The following FNDC3A variants were observed in gnomAD, a reference collection of about 807,000 sequenced individuals.
FNDC3A encodes fibronectin type-III domain-containing protein 3A.
Under a neutral mutation model 148.9 loss-of-function variants are expected in FNDC3A, and 32 were observed. That is an observed-to-expected ratio of 0.21 (90% confidence interval 0.16 to 0.29). FNDC3A has a LOEUF of 0.29. Ranked by LOEUF, FNDC3A falls within the 10% of genes least tolerant of loss-of-function variation. The pLI, the probability that FNDC3A is intolerant of heterozygous loss-of-function variation, is 1.00. For synonymous variants in FNDC3A, 472 were observed against 473.6 expected (o/e 1.00, Z 0.04); for missense variants, 1,191 against 1,452.8 (o/e 0.82, Z 2.93).
chr13:49,069,707 G>A (rs1007526517), intron 2 of FNDC3A, among the ~76,000 whole-genome samples: 5 of 152,130 alleles, frequency 3.3e-5, no homozygotes, highest in African/African-American at 1.2e-4. Flanking sequence ...GCATTTTACT[G>A]CCCCTATTAT....
intron 2 of FNDC3A, among the ~76,000 whole-genome samples, chr13:49,010,509 C>T (rs1395829373): frequency 2.0e-5 from 3 of 152,018 alleles, no homozygotes; most frequent in African/African-American, 7.3e-5. Flanking sequence ...TATAATTGGC[C>T]CTGTGATGAA....
At chr13:48,985,319 T>C (rs1376225039) in intron 1 of FNDC3A, among the ~76,000 whole-genome samples, 1 of 152,244 alleles carries the variant, frequency 6.6e-6, no homozygotes, top group Non-Finnish European at 1.5e-5. Flanking sequence ...AATAGCTTCA[T>C]CTTTTTAGGA....
chr13:49,157,063 G>A (rs9568159), intron 8 of FNDC3A, among the ~76,000 whole-genome samples: 6,759 of 47,914 alleles, frequency 0.14, 696 homozygotes, highest in East Asian at 0.36. Flanking sequence ...TCTGAACGTT[G>A]GCCTGCCTTG....
At chr13:49,198,660 G>C in intron 23 of FNDC3A, 86 bp downstream of exon 23, 1 of 1,074,764 alleles carries the variant, frequency 9.3e-7, no homozygotes, top group East Asian at 2.5e-5. Context: ...GGCCAGGTGT[G>C]GTGGCTGACA....
chr13:49,129,244 T>G (rs576195938), intron 4 of FNDC3A, among the ~76,000 whole-genome samples: 1 of 152,350 alleles, frequency 6.6e-6, no homozygotes, highest in South Asian at 2.1e-4. Flanking sequence ...TGAAGAAGAA[T>G]AATTGCATAA....
chr13:49,181,383 C>A (rs1885293928), intron 14 of FNDC3A, among the ~76,000 whole-genome samples: 2 of 152,188 alleles, frequency 1.3e-5, no homozygotes, highest in African/African-American at 4.8e-5. Context: ...AATGTAAATT[C>A]TCTGGCCCTG....
chr13:49,021,109 G>GGCCT (rs1873292640), intron 2 of FNDC3A, among the ~76,000 whole-genome samples: 2 of 152,264 alleles, frequency 1.3e-5, no homozygotes, highest in South Asian at 4.1e-4. Context: ...CTAGTGAGTA[G>GGCCT]GCCTATGTAA....
chr13:49,049,389 ATTC>A (rs1875657972), intron 2 of FNDC3A, among the ~76,000 whole-genome samples: 2 of 151,990 alleles, frequency 1.3e-5, no homozygotes, highest in South Asian at 4.2e-4. Flanking sequence ...ATTGGTACCA[ATTC>A]TTCTTTGAAT....
At chr13:49,147,092 C>T (rs1392366422) in intron 8 of FNDC3A, among the ~76,000 whole-genome samples, 1 of 152,188 alleles carries the variant, frequency 6.6e-6, no homozygotes, top group African/African-American at 2.4e-5. Context: ...TTCCTGTTTC[C>T]TCTCTATTGA....
Position 49,075,268 on chromosome 13 carries a change from C to T in FNDC3A, c.100-21C>T, listed in dbSNP as rs187302445. 4 of 1,457,130 alleles carry T rather than the reference C, an allele frequency of 2.7e-6. No homozygotes were observed. The Admixed American group carries it at 7.0e-5, about 26-fold the overall frequency. The allele number at this position is 1,457,130 out of a possible 1,614,324, so 90.3% of individuals were successfully genotyped here. ...TTGCTTTTTTTTGTTTTGATTAATA[C>T]TTCTTCCCCTCATTTTTAAGGTTAT... On this transcript the variant is annotated intron_variant, in intron 2 of 25. Coordinates refer to ENST00000492622, the MANE Select transcript of FNDC3A (RefSeq NM_001079673.2).
intron 2 of FNDC3A, among the ~76,000 whole-genome samples, chr13:49,017,666 CTCATTAGT>C (rs1433509327): frequency 6.6e-5 from 10 of 151,754 alleles, no homozygotes; most frequent in Middle Eastern, 6.8e-3. Context: ...GGTTATTTTG[CTCATTAGT>C]TCATGCAGTT....
intron 1 of FNDC3A, among the ~76,000 whole-genome samples, chr13:48,984,675 T>C (rs1159406128): frequency 6.6e-6 from 1 of 151,982 alleles, no homozygotes; most frequent in East Asian, 1.9e-4. Flanking sequence ...ACTAAATGGT[T>C]TTTTATTTTT....
At chr13:49,140,190 A>G (rs1882612306) in intron 7 of FNDC3A, among the ~76,000 whole-genome samples, 1 of 152,106 alleles carries the variant, frequency 6.6e-6, no homozygotes, top group African/African-American at 2.4e-5. Context: ...TACAGATACT[A>G]CAGACCAAGG....
At chr13:49,174,844 A>C (rs938940880) in intron 12 of FNDC3A, among the ~76,000 whole-genome samples, 1 of 152,196 alleles carries the variant, frequency 6.6e-6, no homozygotes, top group South Asian at 2.1e-4. Context: ...ATATGTGATG[A>C]CAGTATTTTG....
intron 3 of FNDC3A, among the ~76,000 whole-genome samples, chr13:49,077,143 G>C (rs763554582): frequency 6.6e-6 from 1 of 152,164 alleles, no homozygotes; most frequent in Admixed American, 6.5e-5. Context: ...GCATAGTGGC[G>C]CACGCCTGCT....
At chr13:49,087,176 C>T (rs1878868666) in intron 3 of FNDC3A, among the ~76,000 whole-genome samples, 1 of 151,924 alleles carries the variant, frequency 6.6e-6, no homozygotes, top group Non-Finnish European at 1.5e-5. Flanking sequence ...AAATCTAAGC[C>T]AGTTTAGTGA....
rs922333356 is a variant in FNDC3A, at chr13:49,175,285, A to G, written c.1356-82A>G. ...CATTATCAAAACTTGTCATTTTCCA[A>G]AAAAATTACATCTGTCACAAACTTG... On this transcript the variant is annotated intron_variant, in intron 12 of 25. Transcript: ENST00000492622. 8.1e-6 allele frequency: 8 copies of G among 991,118 alleles called. No homozygotes were observed. In the African/African-American group the frequency reaches 1.3e-4, roughly 16 times the overall value. The allele number at this position is 991,118 out of a possible 1,614,324, so 61.4% of individuals were successfully genotyped here.
chr13:49,056,970 T>C (rs1366657038), intron 2 of FNDC3A, among the ~76,000 whole-genome samples: 1 of 152,240 alleles, frequency 6.6e-6, no homozygotes, highest in Non-Finnish European at 1.5e-5. Flanking sequence ...CTTCATGATT[T>C]ATATTTTGAT....
chr13:49,030,591 A>T (rs900374735), intron 2 of FNDC3A, among the ~76,000 whole-genome samples: 2 of 152,232 alleles, frequency 1.3e-5, no homozygotes, highest in Non-Finnish European at 2.9e-5. Context: ...CAAAGAGAAC[A>T]TGATCTTGTA....
Sources: gnomAD v4.1 joint callset for allele counts (sites outside exome capture counted in the v4.1 genomes callset) on GRCh38, gnomAD v4.1.1 for gene constraint, MANE v1.5 for transcripts, NCBI Gene and HGNC (gene_info 2026-07-23, HGNC 2026-07-21) for gene names.